Variants in CFAP251 observed in about 807,000 individuals in gnomAD.
The protein encoded by CFAP251 is cilia and flagella associated protein 251.
In CFAP251, 93 loss-of-function variants were observed where a neutral mutation model predicts 126.7. The observed-to-expected ratio is 0.73, with a 90% CI of 0.62 to 0.87. The LOEUF (loss-of-function observed/expected upper bound fraction) is 0.87. CFAP251 is among the 40% of genes least tolerant of loss of function. CFAP251 has a pLI of 0.00. For missense variants in CFAP251, 1,287 were observed against 1,389.2 expected, an observed-to-expected ratio of 0.93 and a Z score of 1.17; for synonymous variants, 503 against 506.9, an observed-to-expected ratio of 0.99 and a Z score of 0.10.
In CFAP251 at chr12:121,999,700, C is replaced by T; in HGVS notation, c.3007-16C>T. The T allele has an allele frequency of 7.0e-6, 11 of 1,560,654 alleles. No individual in the cohort carries two copies. The highest frequency in any genetic ancestry group is 1.7e-4 in the Middle Eastern group (1 of 5,742). On this transcript the variant is annotated splice_polypyrimidine_tract_variant and intron_variant, in intron 19 of 21. Transcript: ENST00000288912. ...TATTTACTGTGGTCTTTTTTTTTTC[C>T]CCATCTTTCCCCTAGATTGATGATA...
In CFAP251 at chr12:121,923,663, G is replaced by A. The variant is rs1360243172; in HGVS notation, c.420G>A (p.Leu140=). The A allele has an allele frequency of 6.2e-7, 1 of 1,613,008 alleles. No homozygotes were observed. The highest frequency in any genetic ancestry group is 1.3e-5 in the African/African-American group (1 of 74,820). The change falls in exon 3 of 22, where the codon TTG becomes TTA. Residue 140 remains leucine (L), a synonymous_variant. Transcript: ENST00000288912. Reference sequence around the variant, plus strand: ...GCAAGTCAAAGCTTTCCTTACAATTGGAGGATGCAGAAACAGATGAGCTTT... The same window carrying A: ...GCAAGTCAAAGCTTTCCTTACAATTAGAGGATGCAGAAACAGATGAGCTTT... ...RGSKSKLSLQ[L]EDAETDELLR...
At chr12:121,928,678 A>ACG (rs1880544160) in intron 3 of CFAP251, among the ~76,000 whole-genome samples, 2 of 44,204 alleles carry the variant, frequency 4.5e-5, no homozygotes, top group African/African-American at 1.0e-4. Flanking sequence ...ACGTATATAT[A>ACG]TATATATATA....
intron 20 of CFAP251, among the ~76,000 whole-genome samples, chr12:122,000,299 C>T (rs1883118178): frequency 6.6e-6 from 1 of 152,164 alleles, no homozygotes; most frequent in South Asian, 2.1e-4. Flanking sequence ...TGCCTGTAAT[C>T]CCAGCACTTT....
rs1319894922 is a variant in CFAP251 at position 121,926,707 on chromosome 12, GC to G, written c.747+2720del. Reference sequence around the variant, plus strand: ...CACCTGTAATCCCAGCACTTTGGGAGCCCAAGGTGGGTGGATCACCTGAGGT... The same window carrying G: ...CACCTGTAATCCCAGCACTTTGGGAGCCAAGGTGGGTGGATCACCTGAGGT... On this transcript the variant is annotated intron_variant, in intron 3 of 21. Transcript: ENST00000288912. Among the ~76,000 whole-genome samples the G allele has an allele frequency of 5.9e-5, 9 of 152,270 alleles. No individual in the cohort carries two copies. The South Asian group carries it at 1.2e-3, about 21-fold the overall frequency.
intron 3 of CFAP251, among the ~76,000 whole-genome samples, chr12:121,928,706 T>TA (rs1565902853): frequency 0.011 from 396 of 34,674 alleles, 15 homozygotes; most frequent in South Asian, 0.047. Context: ...ATATATATAT[T>TA]TTTTTTTTGA....
chr12:121,971,415 C>T (rs1358419275), intron 17 of CFAP251: 5 of 642,546 alleles, frequency 7.8e-6, no homozygotes, highest in Non-Finnish European at 1.4e-5. Context: ...CAGTGCATGG[C>T]AGACTCTTCC....
rs186098753 is a variant in CFAP251 at position 121,924,043 on chromosome 12, T to C, written c.747+53T>C. ...CAGTGCTTTTGAGAGTGTTGCGCAA[T>C]AGGGGAATTTTATGCATGTTGGGGG... On this transcript the variant is annotated intron_variant, in intron 3 of 21. Coordinates refer to ENST00000288912, the MANE Select transcript of CFAP251 (RefSeq NM_144668.6). 49 of 1,492,744 alleles carry C rather than the reference T, an allele frequency of 3.3e-5. No individual in the cohort carries two copies. The Admixed American group carries it at 8.1e-4, about 25-fold the overall frequency. 92.5% of individuals were successfully genotyped at this position (1,492,744 alleles called of 1,614,324 possible). A position where few individuals can be genotyped will look rare whatever the true frequency, so the allele number is the denominator to read the frequency against.
intron 19 of CFAP251, 56 bp downstream of exon 19, chr12:121,975,741 C>T: frequency 6.6e-7 from 1 of 1,512,162 alleles, no homozygotes; most frequent in African/African-American, 1.4e-5. Context: ...AAAAAACAAC[C>T]TCTGGGAACA....
At chr12:122,002,804 G>A (rs1342306985) in intron 21 of CFAP251, among the ~76,000 whole-genome samples, 1 of 152,082 alleles carries the variant, frequency 6.6e-6, no homozygotes, top group Non-Finnish European at 1.5e-5. Flanking sequence ...TGACAAGCCC[G>A]GGGATGGTCA....
Position 121,974,257 on chromosome 12 carries a change from TC to T in CFAP251, c.2772-983del, listed in dbSNP as rs1882402675. 1.3e-5 allele frequency among the ~76,000 whole-genome samples: 2 copies of T among 152,268 alleles called. No individual in the cohort carries two copies. Among genetic ancestry groups the T allele is most frequent in the South Asian group, 4.1e-4 (2 of 4,824 alleles). On this transcript the variant is annotated intron_variant, in intron 17 of 21. Coordinates refer to ENST00000288912, the MANE Select transcript of CFAP251 (RefSeq NM_144668.6). This position sits in a 1 kb window ranked among gnomAD's most constrained non-coding sequence, Gnocchi z 4.6. ...CACCTTGCGCCATAATTGTGAGTCC[TC>T]CCCAGCCATGTGAAACCGTAAGTCC...
intron 13 of CFAP251, among the ~76,000 whole-genome samples, chr12:121,960,270 C>T (rs1881884560): frequency 6.6e-6 from 1 of 151,860 alleles, no homozygotes; most frequent in African/African-American, 2.4e-5. Context: ...GTTGTACAGG[C>T]TGAAGTGCAA....
chr12:121,954,828 T>C (rs568716184), intron 10 of CFAP251, among the ~76,000 whole-genome samples: 2 of 152,142 alleles, frequency 1.3e-5, no homozygotes, highest in South Asian at 4.1e-4. Context: ...TTATACTAAT[T>C]GGATTTTTAA....
intron 7 of CFAP251, 31 bp from the exon 8 acceptor site, chr12:121,948,953 C>A: frequency 1.5e-6 from 2 of 1,299,446 alleles, no homozygotes; most frequent in South Asian, 2.8e-5. Flanking sequence ...GAAAATTTAT[C>A]ATTAATGTAT....
intron 19 of CFAP251, among the ~76,000 whole-genome samples, chr12:121,987,756 T>G (rs1593004640): frequency 6.7e-6 from 1 of 148,742 alleles, no homozygotes; most frequent in Non-Finnish European, 1.5e-5. Flanking sequence ...TAGTAATGCA[T>G]AATACCATTC....
Position 121,924,940 on chromosome 12 carries a change from T to A in CFAP251, c.747+950T>A, listed in dbSNP as rs576910294. ...CCCAGCTTCCTCCTCCCCCTTTCCT[T>A]CCCGCTTCCTCTCCCTCTTCTTCCC... On this transcript the variant is annotated intron_variant, in intron 3 of 21. Coordinates refer to ENST00000288912, the MANE Select transcript of CFAP251 (RefSeq NM_144668.6). 1.5e-4 allele frequency among the ~76,000 whole-genome samples: 22 copies of A among 151,646 alleles called. No individual in the cohort carries two copies. The South Asian group carries it at 4.4e-3, about 30-fold the overall frequency.
intron 19 of CFAP251, among the ~76,000 whole-genome samples, chr12:121,977,065 G>A (rs1020950331): frequency 4.6e-5 from 7 of 152,064 alleles, no homozygotes; most frequent in African/African-American, 7.2e-5. Flanking sequence ...AAGCAACATC[G>A]TTATTGTGTG....
At chr12:121,958,072 T>C (rs1352197633) in intron 11 of CFAP251, among the ~76,000 whole-genome samples, 200 bp from the exon 12 acceptor site, 1 of 152,236 alleles carries the variant, frequency 6.6e-6, no homozygotes, top group Non-Finnish European at 1.5e-5. Flanking sequence ...AATGACTCAA[T>C]TTACATGGAG....
intron 8 of CFAP251, chr12:121,949,330 C>T (rs1881437538): frequency 5.0e-6 from 1 of 198,552 alleles, no homozygotes; most frequent in Admixed American, 6.1e-5. Context: ...GACTAAAATA[C>T]AAGTTTTATG....
chr12:121,927,914 T>A (rs1880484023), intron 3 of CFAP251, among the ~76,000 whole-genome samples: 1 of 152,240 alleles, frequency 6.6e-6, no homozygotes, highest in African/African-American at 2.4e-5. Flanking sequence ...TTTTCCAGAT[T>A]AATATGTTTT....
Sources: gnomAD v4.1 joint callset for allele counts (sites outside exome capture counted in the v4.1 genomes callset) on GRCh38, gnomAD v4.1.1 for gene constraint, Gnocchi (gnomAD v3.1) non-coding constraint, MANE v1.5 for transcripts, NCBI Gene and HGNC (gene_info 2026-07-23, HGNC 2026-07-21) for gene names.